TRIM7: variants seen among roughly 807,000 people sequenced by gnomAD.
TRIM7 encodes tripartite motif containing 7.
A neutral mutation model predicts 37.9 loss-of-function variants in TRIM7; 32 were observed. That is an observed-to-expected ratio of 0.84 (90% CI 0.64 to 1.13). TRIM7 has a LOEUF of 1.13. Among genes scored for constraint, TRIM7 ranks in the 50% most tolerant of loss-of-function variants. The pLI is 0.00. For synonymous variants in TRIM7, 351 were observed against 321.3 expected (o/e 1.09, Z -0.99); for missense variants, 732 against 714.0 (o/e 1.03, Z -0.29).
chr5:181,199,035 G>A (rs563339666), intron 4 of TRIM7, 60 bp downstream of exon 4: 1 of 1,602,996 alleles, frequency 6.2e-7, no homozygotes, highest in Non-Finnish European at 8.5e-7. Context: ...ATAAAGACAA[G>A]GCTCAGTGAA....
rs752111156 is a variant in TRIM7 at position 181,195,399 on chromosome 5, G to A, written c.1303C>T (p.Leu435=). 11 of 1,589,408 alleles carry A rather than the reference G, an allele frequency of 6.9e-6. No individual in the cohort carries two copies. Among genetic ancestry groups the A allele is most frequent in the Non-Finnish European group, 9.4e-6 (11 of 1,167,956 alleles). ...CAGTACTGGCCGCCGTTGAGCTGCA[G>A]GGCCCAGACGCCCTCCTCGGGAGTG... ...PFTPEEGVWA[L]QLNGGQYWAV... is the part of the protein sequence containing the mutation. The change falls in exon 7 of 7, where the codon CTG becomes TTG. Residue 435 remains leucine (L), a synonymous_variant. Coordinates refer to ENST00000274773, the MANE Select transcript of TRIM7 (RefSeq NM_203293.3).
intron 2 of TRIM7, chr5:181,202,677 C>T (rs1398785494): frequency 6.6e-6 from 1 of 151,928 alleles, no homozygotes; most frequent in East Asian, 1.9e-4. Context: ...CACCATTCTC[C>T]TGCCTCAGCC....
rs1444114991 is a variant in TRIM7, at chr5:181,195,122, C to T, written c.*44G>A. 3.2e-6 allele frequency: 5 copies of T among 1,551,054 alleles called. No individual in the cohort carries two copies. Among genetic ancestry groups the T allele is most frequent in the Admixed American group, 1.9e-5 (1 of 53,814 alleles). ...GGCATCTCTGGGGAGGCGACATCCC[C>T]TCCCACCGGCAGCCCAGAGACAGGA... On this transcript the variant is annotated 3_prime_UTR_variant, in exon 7 of 7. Coordinates refer to ENST00000274773, the MANE Select transcript of TRIM7 (RefSeq NM_203293.3).
chr5:181,204,268 G>C (rs1757685303), intron 1 of TRIM7: 1 of 1,090,266 alleles, frequency 9.2e-7, no homozygotes, highest in Non-Finnish European at 1.1e-6. Flanking sequence ...AGAGAGCTGC[G>C]GAGACGCAGA....
intron 3 of TRIM7, chr5:181,199,610 G>C: frequency 3.3e-6 from 2 of 610,382 alleles, no homozygotes; most frequent in Non-Finnish European, 5.5e-6. Context: ...TATTTTCTGA[G>C]ACTTTTGTCT....
chr5:181,199,640 T>C, intron 3 of TRIM7: 1 of 709,868 alleles, frequency 1.4e-6, no homozygotes, highest in Non-Finnish European at 2.2e-6. Context: ...GATTCTGAAA[T>C]ACGATATATA....
In TRIM7 at chr5:181,195,681, C is replaced by CAGGGACAGGG; in HGVS notation, c.1025-5_1025-4insCCCTGTCCCT. The stretch of plus-strand genomic sequence containing the variant: ...TCGGGATCCAAGGTGAGCTCCACTG[C>CAGGGACAGGG]AGACAGAGACAGGGAGAAATGTCCC... On this transcript the variant is annotated splice_polypyrimidine_tract_variant and splice_region_variant and intron_variant, in intron 6 of 6. Coordinates refer to ENST00000274773, the MANE Select transcript of TRIM7 (RefSeq NM_203293.3). 1 of 1,514,630 alleles carries CAGGGACAGGG rather than the reference C, an allele frequency of 6.6e-7. No individual in the cohort carries two copies. The highest frequency in any genetic ancestry group is 8.9e-7 in the Non-Finnish European group (1 of 1,129,528). 93.8% of individuals were successfully genotyped at this position (1,514,630 alleles called of 1,614,324 possible).
rs924835112 is a variant in TRIM7 at position 181,194,917 on chromosome 5, C to T, written c.*249G>A. The stretch of plus-strand genomic sequence containing the variant: ...CTCCTGACCTCACCGGCCTCCACCT[C>T]CTGAAGGCTCTGGCCAAATCCACAT... On this transcript the variant is annotated 3_prime_UTR_variant, in exon 7 of 7. Coordinates refer to ENST00000274773, the MANE Select transcript of TRIM7 (RefSeq NM_203293.3). The T allele has an allele frequency of 4.3e-6, 2 of 465,622 alleles. No individual in the cohort carries two copies. The highest frequency in any genetic ancestry group is 4.0e-5 in the African/African-American group (2 of 49,598). The allele number at this position is 465,622 out of a possible 1,614,324, so 28.8% of individuals were successfully genotyped here. A position where few individuals can be genotyped will look rare whatever the true frequency, so the allele number is the denominator to read the frequency against.
chr5:181,196,215 A>G (rs1372382777), intron 6 of TRIM7: 1 of 152,178 alleles, frequency 6.6e-6, no homozygotes, highest in African/African-American at 2.4e-5. Context: ...CCCCGTCTCT[A>G]CTAAAAATAA....
chr5:181,198,519 G>A (rs1458553053), intron 5 of TRIM7, among the ~76,000 whole-genome samples, 171 bp downstream of exon 5: 4 of 152,106 alleles, frequency 2.6e-5, no homozygotes, highest in African/African-American at 4.8e-5. Flanking sequence ...CATGCCCTGC[G>A]GGGGCCTGAC....
At position 181,195,076 on chromosome 5, in the gene TRIM7, G is replaced by A. The variant is rs1757007073; in HGVS notation, c.*90C>T. On this transcript the variant is annotated 3_prime_UTR_variant, in exon 7 of 7. Transcript: ENST00000274773. Reference sequence around the variant, plus strand: ...GGGCAGCAGGGGTCAGGAGCACGGAGGGCAGACCCAAGACGGACCAGGCAT... The same window carrying A: ...GGGCAGCAGGGGTCAGGAGCACGGAAGGCAGACCCAAGACGGACCAGGCAT... 1.4e-6 allele frequency: 2 copies of A among 1,473,816 alleles called. No homozygotes were observed. Among genetic ancestry groups the A allele is most frequent in the Non-Finnish European group, 1.8e-6 (2 of 1,093,424 alleles). The allele number at this position is 1,473,816 out of a possible 1,614,324, so 91.3% of individuals were successfully genotyped here.
At chr5:181,203,392 T>G in intron 2 of TRIM7, 153 bp downstream of exon 2, 1 of 1,471,232 alleles carries the variant, frequency 6.8e-7, no homozygotes, top group Non-Finnish European at 9.0e-7. Context: ...AACAATTATG[T>G]GGACACCCTA....
rs889682628 is a variant in TRIM7 at position 181,195,453 on chromosome 5, T to C, written c.1249A>G (p.Ser417Gly). Reference sequence around the variant, plus strand: ...GGCGTCAGGCCCTTTCGGCGCACGCTCTCGCGGGCCACGCCAAAGGCCCAG... The same window carrying C: ...GGCGTCAGGCCCTTTCGGCGCACGCCCTCGCGGGCCACGCCAAAGGCCCAG... ...DGWAFGVARE[S>G]VRRKGLTPFT... Residue 417 changes from serine (S) to glycine (G), a missense_variant, in exon 7 of 7, where the codon AGC becomes GGC. Coordinates refer to ENST00000274773, the MANE Select transcript of TRIM7 (RefSeq NM_203293.3). 1.2e-6 allele frequency: 2 copies of C among 1,610,594 alleles called. No homozygotes were observed. The highest frequency in any genetic ancestry group is 8.5e-7 in the Non-Finnish European group (1 of 1,179,010).
At chr5:181,204,345 G>A (rs1757689699) in intron 1 of TRIM7, 1 of 1,212,138 alleles carries the variant, frequency 8.2e-7, no homozygotes. Context: ...CGCGCAGGCG[G>A]CCCAGTATCT....
intron 6 of TRIM7, 156 bp downstream of exon 6, chr5:181,198,027 G>T: frequency 1.4e-6 from 1 of 699,086 alleles, no homozygotes. Flanking sequence ...AGGATGGGGA[G>T]GGGGTGGTGT....
intron 6 of TRIM7, 72 bp downstream of exon 6, chr5:181,198,111 A>T (rs1757245550): frequency 6.4e-7 from 1 of 1,571,238 alleles, no homozygotes; most frequent in African/African-American, 1.3e-5. Context: ...AAACCCTGAG[A>T]TGGTCACGAG....
In TRIM7 at chr5:181,204,857, G is replaced by A; in HGVS notation, c.254C>T (p.Ala85Val). 7.5e-7 allele frequency: 1 copy of A among 1,339,576 alleles called. No individual in the cohort carries two copies. The highest frequency in any genetic ancestry group is 2.0e-5 in the South Asian group (1 of 49,750). 83.0% of individuals were successfully genotyped at this position (1,339,576 alleles called of 1,614,324 possible). Residue 85 changes from alanine (A) to valine (V), a missense_variant, in exon 1 of 7, where the codon GCG becomes GTG. Coordinates refer to ENST00000274773, the MANE Select transcript of TRIM7 (RefSeq NM_203293.3). ...PLPCPQCREP[A>V]RPSQLRPNRQ... ...GTTGGGCCGCAGCTGACTGGGGCGC[G>A]CGGGCTCGCGGCACTGCGGACAGGG...
intron 6 of TRIM7, 66 bp from the exon 7 acceptor site, chr5:181,195,743 C>G: frequency 6.7e-7 from 1 of 1,492,254 alleles, no homozygotes; most frequent in Admixed American, 2.4e-5. Context: ...TTTGCAGGGC[C>G]GCGCCCGACC....
At chr5:181,196,709 C>A (rs1007059949) in intron 6 of TRIM7, 3 of 152,164 alleles carry the variant, frequency 2.0e-5, no homozygotes, top group Admixed American at 6.5e-5. Flanking sequence ...CAGAGTAAGA[C>A]CCTGTCTCAG....
Sources: allele counts gnomAD v4.1 joint callset (sites outside exome capture counted in the v4.1 genomes callset), GRCh38; gene constraint gnomAD v4.1.1; transcripts MANE v1.5; gene names NCBI Gene and HGNC (gene_info 2026-07-23, HGNC 2026-07-21).